SEC14L5: variants seen among roughly 807,000 people sequenced by gnomAD.
SEC14L5 encodes the protein SEC14-like protein 5.
A neutral mutation model predicts 84.6 loss-of-function variants in SEC14L5; 96 were observed. The ratio of observed to expected loss-of-function variants is 1.13; its 90% CI spans 0.96 to 1.34. SEC14L5 has a LOEUF of 1.34. Ranked by LOEUF, SEC14L5 falls within the 40% of genes most tolerant of loss-of-function variation. SEC14L5 has a pLI of 0.00. For missense variants in SEC14L5, 1,224 were observed against 942.5 expected, an observed-to-expected ratio of 1.30 and a Z score of -3.91; for synonymous variants, 546 against 383.4, an observed-to-expected ratio of 1.42 and a Z score of -4.95.
In SEC14L5 at chr16:5,005,963, G is replaced by C. The variant is rs1383863069; in HGVS notation, c.1352G>C (p.Ser451Thr). Residue 451 changes from serine (S) to threonine (T), a missense_variant, in exon 12 of 16, where the codon AGT becomes ACT. Ser to Thr is a moderately conservative substitution (Grantham distance 58). Transcript: ENST00000251170. ...ENTRRKFLIY[S>T]GSNYQGPGGL... ...ACCAGGCGGAAGTTCCTCATCTACAGTGGCAGCAACTACCAGGGACCCGGA... is the reference window on the plus strand; with the variant it reads ...ACCAGGCGGAAGTTCCTCATCTACACTGGCAGCAACTACCAGGGACCCGGA... The C allele has an allele frequency of 6.2e-7, 1 of 1,612,560 alleles. No individual in the cohort carries two copies. The highest frequency in any genetic ancestry group is 2.2e-5 in the East Asian group (1 of 44,852).
intron 6 of SEC14L5, among the ~76,000 whole-genome samples, 183 bp downstream of exon 6, chr16:4,992,213 C>G (rs926886208): frequency 1.3e-5 from 2 of 152,248 alleles, no homozygotes; most frequent in African/African-American, 4.8e-5. Context: ...CATCCTGGTC[C>G]AAGAGCAGAA....
intron 6 of SEC14L5, among the ~76,000 whole-genome samples, chr16:4,994,351 GTAT>G (rs1315097238): frequency 4.6e-5 from 7 of 151,996 alleles, no homozygotes; most frequent in Admixed American, 6.6e-5. Flanking sequence ...CATACAACAT[GTAT>G]TATTCTTTTT....
intron 2 of SEC14L5, among the ~76,000 whole-genome samples, chr16:4,982,916 A>G (rs1251891876): frequency 1.3e-5 from 2 of 152,150 alleles, no homozygotes; most frequent in African/African-American, 4.8e-5. Context: ...ATTACTGAAT[A>G]TTTACATGAA....
Position 5,008,542 on chromosome 16 carries a change from C to T in SEC14L5, c.1694C>T (p.Pro565Leu), listed in dbSNP as rs202013017. ...KQAPRLGARE[P>L]GTRASGQLID... ...GCGCCCAGGCTGGGCGCCCGGGAAC[C>T]GGGGACCAGGGCCAGCGGGCAGCTG... The change falls in exon 14 of 16, where the codon CCG becomes CTG. Residue 565 changes from proline to leucine, a missense_variant. Physicochemically the swap from Pro to Leu is moderately conservative, Grantham distance 98 (BLOSUM62 -3). Coordinates refer to ENST00000251170, the MANE Select transcript of SEC14L5 (RefSeq NM_014692.2). 1.9e-4 allele frequency: 307 copies of T among 1,609,140 alleles called. No homozygotes were observed. Among genetic ancestry groups the T allele is most frequent in the Non-Finnish European group, 2.5e-4 (295 of 1,178,218 alleles).
intron 3 of SEC14L5, 91 bp downstream of exon 3, chr16:4,987,797 G>A (rs1472324196): frequency 2.0e-6 from 2 of 977,122 alleles, no homozygotes; most frequent in Non-Finnish European, 2.9e-6. Flanking sequence ...CAGGGCGGCG[G>A]GGTCCAGGAG....
intron 2 of SEC14L5, among the ~76,000 whole-genome samples, chr16:4,985,657 T>C (rs1955477896): frequency 6.6e-6 from 1 of 152,150 alleles, no homozygotes. Context: ...TAAGGGCTTA[T>C]TTCTGGATGC....
At chr16:4,978,427 G>A (rs28836306) in intron 2 of SEC14L5, among the ~76,000 whole-genome samples, 20,706 of 52,910 alleles carry the variant, frequency 0.39, 6,282 homozygotes, top group Non-Finnish European at 0.41. Flanking sequence ...AAAAAAAAAA[G>A]GAAAAAAAAG....
At chr16:4,979,942 T>C (rs572564062) in intron 2 of SEC14L5, among the ~76,000 whole-genome samples, 1 of 152,302 alleles carries the variant, frequency 6.6e-6, no homozygotes, top group East Asian at 1.9e-4. Flanking sequence ...TACAGGCCAG[T>C]GGGACTCAGC....
chr16:4,963,927 TCCTC>T (rs1955161596), intron 2 of SEC14L5, among the ~76,000 whole-genome samples: 1 of 152,228 alleles, frequency 6.6e-6, no homozygotes, highest in Non-Finnish European at 1.5e-5. Context: ...GCTCAAGTGA[TCCTC>T]CCACCCTGGC....
intron 14 of SEC14L5, 104 bp from the exon 15 acceptor site, chr16:5,010,988 AGAG>A: frequency 9.2e-7 from 1 of 1,086,384 alleles, no homozygotes; most frequent in South Asian, 1.6e-5. Flanking sequence ...CAGAGGGAGA[AGAG>A]CCCCAATTTC....
intron 6 of SEC14L5, among the ~76,000 whole-genome samples, chr16:4,995,971 A>C (rs1484386907): frequency 6.6e-6 from 1 of 152,106 alleles, no homozygotes; most frequent in Non-Finnish European, 1.5e-5. Flanking sequence ...CCTGCCTCAC[A>C]GGGGTGTGGA....
At chr16:4,970,185 A>G (rs1257394587) in intron 2 of SEC14L5, among the ~76,000 whole-genome samples, 1 of 152,096 alleles carries the variant, frequency 6.6e-6, no homozygotes, top group Non-Finnish European at 1.5e-5. Flanking sequence ...GGGGTGACAG[A>G]CAAATGCCAT....
chr16:4,960,146 G>A (rs56161623), intron 2 of SEC14L5, among the ~76,000 whole-genome samples: 3,222 of 152,308 alleles, frequency 0.021, 63 homozygotes, highest in Non-Finnish European at 0.031. Flanking sequence ...GCTGGACATA[G>A]GTGGATGTGG....
intron 2 of SEC14L5, among the ~76,000 whole-genome samples, chr16:4,981,520 C>T (rs993596260): frequency 7.2e-5 from 11 of 152,086 alleles, no homozygotes; most frequent in East Asian, 1.9e-4. Context: ...GTGGTGTGGC[C>T]GCTGCCTGGC....
At chr16:4,959,500 G>T in intron 2 of SEC14L5, 114 bp downstream of exon 2, 1 of 885,336 alleles carries the variant, frequency 1.1e-6, no homozygotes, top group Non-Finnish European at 1.9e-6. Flanking sequence ...GAATTAGTGA[G>T]TTACTCAGCT....
Position 4,987,619 on chromosome 16 carries a change from G to C in SEC14L5, c.126G>C (p.Leu42Phe), listed in dbSNP as rs779261491. 1 of 1,558,966 alleles carries C rather than the reference G, an allele frequency of 6.4e-7. No individual in the cohort carries two copies. The highest frequency in any genetic ancestry group is 8.7e-7 in the Non-Finnish European group (1 of 1,152,620). ...CAGTCTTCCTGGGCAGCGAGGTCTT[G>C]CGCGAGTCCCGCAGCCCGGACGGGG... ...QIPVFLGSEV[L>F]RESRSPDGAV... Residue 42 changes from leucine to phenylalanine, a missense_variant, in exon 3 of 16, where the codon TTG (leucine) becomes TTC (phenylalanine). Physicochemically the swap from Leu to Phe is conservative, Grantham distance 22. Coordinates refer to ENST00000251170, the MANE Select transcript of SEC14L5 (RefSeq NM_014692.2).
chr16:5,014,952 C>A lies in SEC14L5; in HGVS notation c.2073C>A (p.Ser691Arg), dbSNP rs1220543780. ...CCTCCTCCGGCCAGTCTCATAGCAGCTCCCTGGTCTCCAGATAGCCGGGCC... is the reference window on the plus strand; with the variant it reads ...CCTCCTCCGGCCAGTCTCATAGCAGATCCCTGGTCTCCAGATAGCCGGGCC... ...SSSSSGQSHS[S>R]SLVSR Residue 691 changes from serine to arginine, a missense_variant, in exon 16 of 16, where the codon AGC becomes AGA. Ser to Arg is a moderately radical substitution (Grantham distance 110, BLOSUM62 -1). Coordinates refer to ENST00000251170, the MANE Select transcript of SEC14L5 (RefSeq NM_014692.2). The A allele has an allele frequency of 1.2e-6, 2 of 1,611,192 alleles. No individual in the cohort carries two copies. The highest frequency in any genetic ancestry group is 8.5e-7 in the Non-Finnish European group (1 of 1,179,698).
At chr16:4,998,046 C>T (rs1424798577) in intron 8 of SEC14L5, among the ~76,000 whole-genome samples, 1 of 150,256 alleles carries the variant, frequency 6.7e-6, no homozygotes, top group Non-Finnish European at 1.5e-5. Context: ...CTCTGTCACC[C>T]AGGCTGGAGT....
chr16:4,959,198 C>T (rs1955088529), intron 1 of SEC14L5, 75 bp from the exon 2 acceptor site: 6 of 730,554 alleles, frequency 8.2e-6, no homozygotes, highest in Non-Finnish European at 1.5e-5. Context: ...CAGGGGCTGC[C>T]CCTTACACTT....
Sources: allele counts gnomAD v4.1 joint callset (sites outside exome capture counted in the v4.1 genomes callset), GRCh38; gene constraint gnomAD v4.1.1; transcripts MANE v1.5; gene names NCBI Gene and HGNC (gene_info 2026-07-23, HGNC 2026-07-21).